Variants in ULK4 observed in about 807,000 individuals in gnomAD.
ULK4 encodes the protein unc-51 like kinase 4.
In ULK4, 133 loss-of-function variants were observed where a neutral mutation model predicts 160.6. The ratio of observed to expected loss-of-function variants is 0.83; its 90% CI spans 0.72 to 0.96. The LOEUF (loss-of-function observed/expected upper bound fraction) is 0.96. ULK4 is among the 40% of genes least tolerant of loss of function. The pLI is 0.00. For synonymous variants in ULK4, 534 were observed against 539.8 expected, an observed-to-expected ratio of 0.99 and a Z score of 0.15; for missense variants, 1,580 against 1,499.5, an observed-to-expected ratio of 1.05 and a Z score of -0.89.
At chr3:41,936,860 C>T (rs13077832) in intron 3 of ULK4, among the ~76,000 whole-genome samples, 4 of 152,026 alleles carry the variant, frequency 2.6e-5, no homozygotes, top group African/African-American at 9.7e-5. Flanking sequence ...GATAGTACAA[C>T]AAGTAGCTAA....
chr3:41,576,541 G>A (rs1383342770), intron 31 of ULK4, among the ~76,000 whole-genome samples: 2 of 152,176 alleles, frequency 1.3e-5, no homozygotes, highest in African/African-American at 4.8e-5. Flanking sequence ...AGGCATAGAC[G>A]GTGTGAGAGC....
intron 22 of ULK4, among the ~76,000 whole-genome samples, chr3:41,724,395 T>G (rs961941974): frequency 6.6e-6 from 1 of 152,158 alleles, no homozygotes; most frequent in African/African-American, 2.4e-5. Flanking sequence ...AAGTGATCAT[T>G]ATGTCAATTT....
intron 34 of ULK4, among the ~76,000 whole-genome samples, chr3:41,437,842 A>G (rs1456251096): frequency 1.3e-5 from 2 of 152,178 alleles, no homozygotes; most frequent in Non-Finnish European, 2.9e-5. Context: ...TTGAAGGGAT[A>G]TAAGGGAGAG....
At chr3:41,878,592 A>T (rs566938555) in intron 17 of ULK4, among the ~76,000 whole-genome samples, 1 of 151,972 alleles carries the variant, frequency 6.6e-6, no homozygotes, top group South Asian at 2.1e-4. Flanking sequence ...AATAGAAAGG[A>T]AATTACAGAA....
chr3:41,338,795 C>T (rs1018666523), intron 35 of ULK4, among the ~76,000 whole-genome samples: 2 of 151,464 alleles, frequency 1.3e-5, no homozygotes, highest in Admixed American at 1.3e-4. Flanking sequence ...ATATACATAT[C>T]AGATGTTATA....
intron 30 of ULK4, among the ~76,000 whole-genome samples, chr3:41,657,353 A>T (rs147418100): frequency 0.01 from 1,591 of 152,332 alleles, 28 homozygotes; most frequent in Middle Eastern, 0.031. Flanking sequence ...GGTACTCTAA[A>T]CTCATAATAT....
chr3:41,751,761 T>C (rs2038637926), intron 22 of ULK4, among the ~76,000 whole-genome samples: 1 of 152,160 alleles, frequency 6.6e-6, no homozygotes, highest in Non-Finnish European at 1.5e-5. Flanking sequence ...AGAGTGGCTC[T>C]CAGAAGAAGT....
chr3:41,766,482 C>G (rs1012571283), intron 21 of ULK4: 1 of 152,238 alleles, frequency 6.6e-6, no homozygotes, highest in Non-Finnish European at 1.5e-5. Context: ...TCCCGGGGAG[C>G]CTTTCACCTC....
chr3:41,271,583 G>A (rs544245499), intron 35 of ULK4, among the ~76,000 whole-genome samples: 84 of 152,092 alleles, frequency 5.5e-4, no homozygotes, highest in Non-Finnish European at 1.0e-3. Context: ...TACTAGAGAC[G>A]GAGTTTCACG....
At chr3:41,550,963 A>G (rs1230909547) in intron 32 of ULK4, among the ~76,000 whole-genome samples, 1 of 152,082 alleles carries the variant, frequency 6.6e-6, no homozygotes, top group African/African-American at 2.4e-5. Flanking sequence ...TAAAACTAGA[A>G]ATCAATACCA....
At chr3:41,599,878 C>A (rs1485337094) in intron 31 of ULK4, among the ~76,000 whole-genome samples, 1 of 151,982 alleles carries the variant, frequency 6.6e-6, no homozygotes, top group Non-Finnish European at 1.5e-5. Flanking sequence ...AAGGCATTTT[C>A]AAAATGAGAA....
chr3:41,422,749 A>C (rs974082664), intron 34 of ULK4, among the ~76,000 whole-genome samples: 1 of 152,148 alleles, frequency 6.6e-6, no homozygotes, highest in African/African-American at 2.4e-5. Context: ...TAGAGTATAA[A>C]CTGTTAGAAT....
intron 22 of ULK4, among the ~76,000 whole-genome samples, chr3:41,722,354 C>T (rs866401625): frequency 9.9e-5 from 15 of 152,112 alleles, no homozygotes; most frequent in Admixed American, 3.9e-4. Context: ...ACAGACCGGG[C>T]GCAGTGGCTC....
chr3:41,755,404 T>A (rs1168299236), intron 21 of ULK4, among the ~76,000 whole-genome samples: 1 of 152,142 alleles, frequency 6.6e-6, no homozygotes, highest in Non-Finnish European at 1.5e-5. Flanking sequence ...TAAAAACATA[T>A]CTAAGCATCA....
intron 29 of ULK4, among the ~76,000 whole-genome samples, chr3:41,666,911 A>G (rs1255896740): frequency 1.3e-5 from 2 of 152,190 alleles, no homozygotes; most frequent in Non-Finnish European, 2.9e-5. Flanking sequence ...TGGGAGGCCA[A>G]GGTGGGAGAA....
Position 41,715,651 on chromosome 3 carries a change from G to A in ULK4, c.2456-83C>T, listed in dbSNP as rs1258805179. 1.0e-5 allele frequency: 16 copies of A among 1,558,294 alleles called. No individual in the cohort carries two copies. The East Asian group carries it at 3.2e-4, about 31-fold the overall frequency. ...CACTGGTCATTGCTTGAATACCCAT[G>A]GGACTTCTAAGGTAATTAATCTCCA... is the stretch of plus-strand genomic sequence containing the variant. On this transcript the variant is annotated intron_variant, in intron 23 of 36. Coordinates refer to ENST00000301831, the MANE Select transcript of ULK4 (RefSeq NM_017886.4).
chr3:41,760,779 T>C (rs1292414739), intron 21 of ULK4, among the ~76,000 whole-genome samples: 1 of 152,220 alleles, frequency 6.6e-6, no homozygotes, highest in Non-Finnish European at 1.5e-5. Context: ...CACTGAAATC[T>C]GAAACACTTC....
intron 21 of ULK4, among the ~76,000 whole-genome samples, chr3:41,773,708 T>C (rs1345406532): frequency 1.3e-5 from 2 of 152,056 alleles, no homozygotes; most frequent in Non-Finnish European, 2.9e-5. Flanking sequence ...CTTCACAGAA[T>C]TGGAAAAAAC....
At chr3:41,518,744 G>A (rs1446930576) in intron 32 of ULK4, among the ~76,000 whole-genome samples, 3 of 152,184 alleles carry the variant, frequency 2.0e-5, no homozygotes, top group Non-Finnish European at 4.4e-5. Context: ...AAAAGAGTGA[G>A]CCAGATGTTA....
Sources: allele counts gnomAD v4.1 joint callset (sites outside exome capture counted in the v4.1 genomes callset), GRCh38; gene constraint gnomAD v4.1.1; transcripts MANE v1.5; gene names NCBI Gene and HGNC (gene_info 2026-07-23, HGNC 2026-07-21).